BMP5: variants seen among roughly 807,000 people sequenced by gnomAD.
BMP5 encodes bone morphogenetic protein 5.
In BMP5, 23 loss-of-function variants were observed where a neutral mutation model predicts 46.6. The observed-to-expected ratio is 0.49, with a 90% CI of 0.35 to 0.70. The LOEUF (loss-of-function observed/expected upper bound fraction) is 0.70. Ranked by LOEUF, BMP5 falls within the 30% of genes least tolerant of loss-of-function variation. The probability of loss-of-function intolerance (pLI) is 0.00; values close to 1 mark genes in which losing one functional copy is unlikely to be tolerated. For missense variants in BMP5, 545 were observed against 565.6 expected (o/e 0.96, Z 0.37); for synonymous variants, 204 against 191.9 (o/e 1.06, Z -0.52).
intron 1 of BMP5, among the ~76,000 whole-genome samples, chr6:55,844,286 A>G (rs1777043444): frequency 6.6e-6 from 1 of 152,060 alleles, no homozygotes; most frequent in Non-Finnish European, 1.5e-5. Context: ...ATCATGCCTC[A>G]TTAATCTAAT....
intron 2 of BMP5, among the ~76,000 whole-genome samples, chr6:55,802,158 A>C (rs1169935125): frequency 6.6e-6 from 1 of 151,976 alleles, no homozygotes; most frequent in Non-Finnish European, 1.5e-5. Flanking sequence ...TGTGCTTCTG[A>C]CTCCCAAGAC....
At chr6:55,846,618 C>A (rs893751687) in intron 1 of BMP5, among the ~76,000 whole-genome samples, 1 of 151,848 alleles carries the variant, frequency 6.6e-6, no homozygotes, top group Admixed American at 6.6e-5. Flanking sequence ...GTGCAACAGA[C>A]CCAGTTTCTT....
At chr6:55,762,931 A>C (rs2127516746) in intron 4 of BMP5, among the ~76,000 whole-genome samples, 1 of 152,250 alleles carries the variant, frequency 6.6e-6, no homozygotes, top group East Asian at 1.9e-4. Flanking sequence ...GGGTGTGGCT[A>C]TATTCCAGTA....
chr6:55,803,057 G>A (rs1278191724), intron 2 of BMP5, among the ~76,000 whole-genome samples: 2 of 149,688 alleles, frequency 1.3e-5, no homozygotes, highest in African/African-American at 4.9e-5. Flanking sequence ...AGGCCAAGGT[G>A]AGCAGATTAC....
intron 3 of BMP5, among the ~76,000 whole-genome samples, chr6:55,787,644 A>T (rs772477823): frequency 2.0e-5 from 3 of 151,716 alleles, no homozygotes; most frequent in African/African-American, 4.8e-5. Context: ...TAGCTGTAAC[A>T]GTTGTCAATT....
At chr6:55,766,474 C>T (rs1774919222) in intron 4 of BMP5, among the ~76,000 whole-genome samples, 1 of 152,026 alleles carries the variant, frequency 6.6e-6, no homozygotes, top group South Asian at 2.1e-4. Flanking sequence ...GGGTTATCCA[C>T]CCTCTTCAAA....
Position 55,764,296 on chromosome 6 carries a change from T to G in BMP5, c.1028-3763A>C, listed in dbSNP as rs189018070. 1.5e-3 allele frequency among the ~76,000 whole-genome samples: 233 copies of G among 152,218 alleles called. 1 individual carries two copies. Among genetic ancestry groups the G allele is most frequent in the African/African-American group, 5.1e-3 (210 of 41,564 alleles). ...AGCCATAAAAAGAATGAAATTGGCC[T>G]GGCGTGGTGTCTCACACCTGTAATC... On this transcript the variant is annotated intron_variant, in intron 4 of 6. Coordinates refer to ENST00000370830, the MANE Select transcript of BMP5 (RefSeq NM_021073.4).
At chr6:55,810,082 T>C (rs2127534882) in intron 2 of BMP5, among the ~76,000 whole-genome samples, 1 of 152,264 alleles carries the variant, frequency 6.6e-6, no homozygotes, top group African/African-American at 2.4e-5. Flanking sequence ...CTAGAGTTTA[T>C]AAGGTTCAAA....
At chr6:55,771,437 CG>C (rs3839436) in intron 4 of BMP5, among the ~76,000 whole-genome samples, 16,114 of 151,722 alleles carry the variant, frequency 0.11, 923 homozygotes, top group Middle Eastern at 0.17. Flanking sequence ...CAAGCAGTGC[CG>C]GGCAGTTTCT....
chr6:55,768,571 T>G (rs1774972326), intron 4 of BMP5, among the ~76,000 whole-genome samples: 1 of 151,938 alleles, frequency 6.6e-6, no homozygotes, highest in African/African-American at 2.4e-5. Context: ...TTATTTGGGT[T>G]TATTGGGATA....
chr6:55,829,893 T>C (rs187824606), intron 1 of BMP5, among the ~76,000 whole-genome samples: 154 of 152,120 alleles, frequency 1.0e-3, no homozygotes, highest in Non-Finnish European at 1.8e-3. Context: ...GTATATGTAA[T>C]ATAACCAAAT....
At chr6:55,828,231 T>G (rs1401719212) in intron 1 of BMP5, among the ~76,000 whole-genome samples, 2 of 151,864 alleles carry the variant, frequency 1.3e-5, no homozygotes, top group African/African-American at 4.8e-5. Context: ...TTTGTGAGTT[T>G]TCTTCTGAAA....
chr6:55,794,270 A>G lies in BMP5; in HGVS notation c.832+9T>C. On this transcript the variant is annotated intron_variant, in intron 3 of 6. Coordinates refer to ENST00000370830, the MANE Select transcript of BMP5 (RefSeq NM_021073.4). ...CTTCACAAAAAAATATATAAAATTC[A>G]GTGCTTACCATCCCCTGTTTCTGCA... 1.9e-6 allele frequency: 3 copies of G among 1,613,806 alleles called. No homozygotes were observed. The highest frequency in any genetic ancestry group is 2.5e-6 in the Non-Finnish European group (3 of 1,179,822).
chr6:55,787,933 G>T (rs1224864539), intron 3 of BMP5, among the ~76,000 whole-genome samples: 1 of 151,566 alleles, frequency 6.6e-6, no homozygotes, highest in Non-Finnish European at 1.5e-5. Context: ...ACATGGTGGA[G>T]ATTTTATATG....
At chr6:55,818,875 G>A (rs1043360111) in intron 2 of BMP5, among the ~76,000 whole-genome samples, 5 of 152,080 alleles carry the variant, frequency 3.3e-5, no homozygotes, top group Non-Finnish European at 5.9e-5. Flanking sequence ...GCTACTGGGA[G>A]AGAGATATCA....
chr6:55,767,690 T>C (rs1774948308), intron 4 of BMP5, among the ~76,000 whole-genome samples: 1 of 152,024 alleles, frequency 6.6e-6, no homozygotes, highest in Non-Finnish European at 1.5e-5. Context: ...ACTTTTAATA[T>C]TAGTTACTGT....
chr6:55,812,036 A>C (rs1461398885), intron 2 of BMP5, among the ~76,000 whole-genome samples: 1 of 152,146 alleles, frequency 6.6e-6, no homozygotes, highest in Admixed American at 6.6e-5. Context: ...GACGCTCAAC[A>C]AAAGCACTCC....
intron 2 of BMP5, among the ~76,000 whole-genome samples, chr6:55,814,855 C>A (rs925781843): frequency 1.3e-5 from 2 of 152,078 alleles, no homozygotes; most frequent in African/African-American, 4.8e-5. Context: ...TATGGCCAAG[C>A]GTGGTGGCTC....
chr6:55,832,949 A>G (rs1310393760), intron 1 of BMP5, among the ~76,000 whole-genome samples: 1 of 151,814 alleles, frequency 6.6e-6, no homozygotes, highest in South Asian at 2.1e-4. Flanking sequence ...TGTCTCTACA[A>G]AAATTTAAAA....
Sources: gnomAD v4.1 joint callset for allele counts (sites outside exome capture counted in the v4.1 genomes callset) on GRCh38, gnomAD v4.1.1 for gene constraint, MANE v1.5 for transcripts, NCBI Gene and HGNC (gene_info 2026-07-23, HGNC 2026-07-21) for gene names.